The following CDH13 variants were observed in gnomAD, a reference collection of about 807,000 sequenced individuals.
CDH13 encodes the protein cadherin-13.
A neutral mutation model predicts 63.8 loss-of-function variants in CDH13; 24 were observed. That is an observed-to-expected ratio of 0.38 (90% CI 0.27 to 0.53). The LOEUF is 0.53. CDH13 is among the 20% of genes least tolerant of loss of function. The pLI is 0.85. For synonymous variants in CDH13, 503 were observed against 355.3 expected (o/e 1.42, Z -4.67); for missense variants, 1,049 against 903.1 (o/e 1.16, Z -2.07).
chr16:82,857,682 C>T (rs980191125), intron 1 of CDH13, among the ~76,000 whole-genome samples: 1 of 152,138 alleles, frequency 6.6e-6, no homozygotes, highest in Non-Finnish European at 1.5e-5. Flanking sequence ...GAATAAGAAA[C>T]TGGTGAAATT....
chr16:82,932,440 G>T (rs1307829851), intron 2 of CDH13, among the ~76,000 whole-genome samples: 3 of 152,132 alleles, frequency 2.0e-5, no homozygotes, highest in African/African-American at 7.2e-5. Context: ...GCTCCTAGCT[G>T]ACCTACTAGA....
chr16:83,317,629 C>T (rs2090134795), intron 5 of CDH13, among the ~76,000 whole-genome samples: 1 of 152,002 alleles, frequency 6.6e-6, no homozygotes, highest in South Asian at 2.1e-4. Context: ...GGTGAAACCC[C>T]ATCTCTGCTA....
intron 2 of CDH13, among the ~76,000 whole-genome samples, chr16:82,874,991 C>G (rs149430788): frequency 3.7e-4 from 57 of 152,264 alleles, no homozygotes; most frequent in African/African-American, 1.3e-3. Context: ...GGGCTAGGAC[C>G]AGGCTTTTGG....
chr16:82,785,926 AT>A (rs2035980167), intron 1 of CDH13, among the ~76,000 whole-genome samples: 1 of 152,344 alleles, frequency 6.6e-6, no homozygotes, highest in South Asian at 2.1e-4. Flanking sequence ...AGGGGTTCTT[AT>A]CCCTGATGCA....
intron 2 of CDH13, among the ~76,000 whole-genome samples, chr16:82,909,963 C>A (rs1050418490): frequency 6.6e-6 from 1 of 152,186 alleles, no homozygotes; most frequent in East Asian, 1.9e-4. Context: ...TTAATACCTT[C>A]CCTCCCTGCC....
intron 1 of CDH13, among the ~76,000 whole-genome samples, chr16:82,726,874 A>C (rs912170425): frequency 2.0e-5 from 3 of 152,222 alleles, no homozygotes; most frequent in African/African-American, 7.2e-5. Flanking sequence ...TCCCAGATGA[A>C]AACACTGAGG....
chr16:83,283,391 G>A lies in CDH13; in HGVS notation c.637-61471G>A, dbSNP rs538266064. On this transcript the variant is annotated intron_variant, in intron 5 of 13. Transcript: ENST00000567109. ...GGATTGCTTGAGGCTGGGAATTCAAGACCAGCCTGGCCAACATGGTGAAAC... is the reference window on the plus strand; with the variant it reads ...GGATTGCTTGAGGCTGGGAATTCAAAACCAGCCTGGCCAACATGGTGAAAC... Among the ~76,000 whole-genome samples, 6 of 152,278 alleles carry A rather than the reference G, an allele frequency of 3.9e-5. No homozygotes were observed. In the South Asian group the frequency reaches 1.2e-3, roughly 32 times the overall value.
intron 2 of CDH13, among the ~76,000 whole-genome samples, chr16:82,897,319 G>C (rs1221893790): frequency 6.6e-6 from 1 of 152,132 alleles, no homozygotes; most frequent in African/African-American, 2.4e-5. Context: ...TGAGAGATCT[G>C]TGAGGTGCAT....
intron 3 of CDH13, among the ~76,000 whole-genome samples, chr16:83,120,850 A>G (rs1295170989): frequency 1.2e-4 from 17 of 142,238 alleles, no homozygotes; most frequent in Admixed American, 1.0e-3. Context: ...TGCAACTTCC[A>G]TCTCCCAGGT....
At chr16:82,889,335 T>G (rs1318828157) in intron 2 of CDH13, among the ~76,000 whole-genome samples, 1 of 151,942 alleles carries the variant, frequency 6.6e-6, no homozygotes, top group Non-Finnish European at 1.5e-5. Context: ...CCTACCTACC[T>G]ATCTACCAAC....
In CDH13 at chr16:82,637,691, C is replaced by T. The variant is rs946332935; in HGVS notation, c.45+10554C>T. ...TGACCTCGTGATCCGCCAGCCTCAG[C>T]CTCCCAAAGTGCTGGGATTATAGGC... On this transcript the variant is annotated intron_variant, in intron 1 of 13. Coordinates refer to ENST00000567109, the MANE Select transcript of CDH13 (RefSeq NM_001257.5). 7 of 152,202 alleles carry T rather than the reference C, an allele frequency of 4.6e-5. No individual in the cohort carries two copies. The South Asian group carries it at 1.0e-3, about 23-fold the overall frequency. The allele number at this position is 152,202 out of a possible 1,614,324, so 9.4% of individuals were successfully genotyped here.
chr16:83,428,943 G>T (rs2151480416), intron 6 of CDH13, among the ~76,000 whole-genome samples: 1 of 152,282 alleles, frequency 6.6e-6, no homozygotes, highest in East Asian at 1.9e-4. Context: ...ACCAACTCTA[G>T]GGGTTTGTTC....
chr16:82,638,904 G>T (rs1288173388), intron 1 of CDH13, among the ~76,000 whole-genome samples: 3 of 148,980 alleles, frequency 2.0e-5, no homozygotes, highest in Non-Finnish European at 4.5e-5. Flanking sequence ...ACAATTCACT[G>T]TAGTTGCTAT....
At chr16:82,939,729 G>C (rs1056466625) in intron 2 of CDH13, among the ~76,000 whole-genome samples, 9 of 152,124 alleles carry the variant, frequency 5.9e-5, no homozygotes, top group Non-Finnish European at 1.0e-4. Flanking sequence ...TAGCTGCAAA[G>C]GTTACCCTTA....
At chr16:83,154,023 G>A (rs990010720) in intron 4 of CDH13, among the ~76,000 whole-genome samples, 3 of 152,068 alleles carry the variant, frequency 2.0e-5, no homozygotes, top group African/African-American at 7.2e-5. Context: ...TTTCTGCCTG[G>A]CCCCTCTTTA....
At chr16:83,160,035 C>T (rs983397972) in intron 4 of CDH13, among the ~76,000 whole-genome samples, 1 of 151,992 alleles carries the variant, frequency 6.6e-6, no homozygotes, top group East Asian at 1.9e-4. Flanking sequence ...GATATCACAC[C>T]ACTGCATTCC....
At chr16:83,063,524 T>C (rs2031758602) in intron 3 of CDH13, among the ~76,000 whole-genome samples, 1 of 152,200 alleles carries the variant, frequency 6.6e-6, no homozygotes, top group Non-Finnish European at 1.5e-5. Context: ...CCTAAGGTTA[T>C]AGCAATAGAG....
chr16:83,312,570 T>A (rs2090023607), intron 5 of CDH13, among the ~76,000 whole-genome samples: 1 of 152,118 alleles, frequency 6.6e-6, no homozygotes, highest in Non-Finnish European at 1.5e-5. Flanking sequence ...CCACCCTTCT[T>A]GGGCAGGTTT....
intron 7 of CDH13, among the ~76,000 whole-genome samples, chr16:83,530,596 C>T (rs1414974922): frequency 6.6e-6 from 1 of 152,244 alleles, no homozygotes; most frequent in Admixed American, 6.5e-5. Flanking sequence ...CAGGCTTTCA[C>T]ATCAACCACG....
Sources: allele counts gnomAD v4.1 joint callset (sites outside exome capture counted in the v4.1 genomes callset), GRCh38; gene constraint gnomAD v4.1.1; transcripts MANE v1.5; gene names NCBI Gene and HGNC (gene_info 2026-07-23, HGNC 2026-07-21).